The following FOXP1 variants were observed in gnomAD, a reference collection of about 807,000 sequenced individuals.
The protein encoded by FOXP1 is forkhead box protein P1.
FOXP1 carries 15 observed loss-of-function variants against 98.2 expected under a neutral mutation model. The observed-to-expected ratio is 0.15, with a 90% CI of 0.10 to 0.24. The LOEUF is 0.24. Among genes scored for constraint, FOXP1 ranks in the 10% least tolerant of loss-of-function variants. The pLI, the probability that FOXP1 is intolerant of heterozygous loss-of-function variation, is 1.00. For synonymous variants in FOXP1, 371 were observed against 314.5 expected, an observed-to-expected ratio of 1.18 and a Z score of -1.90; for missense variants, 633 against 848.5, an observed-to-expected ratio of 0.75 and a Z score of 3.15.
rs2080916859 is a variant in FOXP1 at position 71,390,072 on chromosome 3, C to T, written c.-167-30828G>A. On this transcript the variant is annotated intron_variant, in intron 3 of 20. Coordinates refer to ENST00000649528, the MANE Select transcript of FOXP1 (RefSeq NM_001349338.3). ...CAAACTGTGTGCATGGCGAAGGCATCGAAGGGCTCGGAGCAGCTGGAGAGG... is the reference window on the plus strand; with the variant it reads ...CAAACTGTGTGCATGGCGAAGGCATTGAAGGGCTCGGAGCAGCTGGAGAGG... Among the ~76,000 whole-genome samples, 3 of 152,136 alleles carry T rather than the reference C, an allele frequency of 2.0e-5. No homozygotes were observed. In the South Asian group the frequency reaches 6.2e-4, roughly 32 times the overall value.
At chr3:71,071,640 C>T (rs2107433953) in intron 7 of FOXP1, among the ~76,000 whole-genome samples, 1 of 152,294 alleles carries the variant, frequency 6.6e-6, no homozygotes, top group South Asian at 2.1e-4. Context: ...AATGGCGCAT[C>T]TTGGCTCACT....
chr3:71,332,569 A>C (rs1210090336), intron 4 of FOXP1: 2 of 152,488 alleles, frequency 1.3e-5, no homozygotes, highest in Non-Finnish European at 2.9e-5. Context: ...CTCTGTCTTG[A>C]CTAAAAATAT....
intron 19 of FOXP1, chr3:70,968,745 A>G (rs1249455309): frequency 6.6e-6 from 1 of 152,174 alleles, no homozygotes; most frequent in Non-Finnish European, 1.5e-5. Context: ...TTTTGAAGAT[A>G]TTGTTCCACT....
chr3:71,405,737 T>C lies in FOXP1; in HGVS notation c.-167-46493A>G, dbSNP rs191968813. Among the ~76,000 whole-genome samples the C allele has an allele frequency of 1.5e-4, 23 of 152,092 alleles. 1 individual carries two copies. Among genetic ancestry groups the C allele is most frequent in the Non-Finnish European group, 8.8e-5 (6 of 67,972 alleles). ...AACAGTATTTATTTATTTATTTATT[T>C]ATTTTTTTGAGATGGAGTTTCACTC... On this transcript the variant is annotated intron_variant, in intron 3 of 20. Transcript: ENST00000649528.
intron 6 of FOXP1, among the ~76,000 whole-genome samples, chr3:71,142,363 G>A (rs1433436620): frequency 1.3e-5 from 2 of 152,128 alleles, no homozygotes; most frequent in Non-Finnish European, 2.9e-5. Flanking sequence ...TATGTGAAGG[G>A]GTTTTGTGGA....
At chr3:71,328,699 G>A (rs949016607) in intron 4 of FOXP1, among the ~76,000 whole-genome samples, 1 of 152,092 alleles carries the variant, frequency 6.6e-6, no homozygotes. Flanking sequence ...TTGGCTGGGC[G>A]CAGTGGCTCA....
chr3:71,166,973 C>G (rs538477524), intron 6 of FOXP1, among the ~76,000 whole-genome samples: 5 of 152,150 alleles, frequency 3.3e-5, no homozygotes, highest in African/African-American at 1.2e-4. Context: ...AGGGTATTTA[C>G]TGATCCGGTT....
chr3:71,245,248 G>A (rs1025651938), intron 5 of FOXP1: 1 of 152,176 alleles, frequency 6.6e-6, no homozygotes, highest in East Asian at 1.9e-4. Context: ...AACCATATTA[G>A]GATGTGTATG....
intron 5 of FOXP1, among the ~76,000 whole-genome samples, chr3:71,285,231 T>C (rs185439874): frequency 2.0e-5 from 3 of 152,290 alleles, no homozygotes. Context: ...TCCTCTTATA[T>C]ACCCCAGCCC....
intron 7 of FOXP1, among the ~76,000 whole-genome samples, chr3:71,080,277 C>T (rs1230006878): frequency 1.3e-5 from 2 of 152,004 alleles, no homozygotes; most frequent in East Asian, 1.9e-4. Context: ...TTTATAGTGC[C>T]GGTGGAATAA....
intron 5 of FOXP1, among the ~76,000 whole-genome samples, chr3:71,247,099 T>TA (rs10713957): frequency 6.6e-6 from 1 of 151,832 alleles, no homozygotes; most frequent in African/African-American, 2.4e-5. Flanking sequence ...GCTAGCATCT[T>TA]AAAAAAAAAA....
intron 3 of FOXP1, among the ~76,000 whole-genome samples, chr3:71,371,428 C>A (rs2079306120): frequency 6.6e-6 from 1 of 152,128 alleles, no homozygotes; most frequent in Non-Finnish European, 1.5e-5. Context: ...TTCCCCAGTC[C>A]ACGTGGTTTG....
intron 3 of FOXP1, among the ~76,000 whole-genome samples, chr3:71,416,436 T>C (rs1033142931): frequency 2.6e-5 from 4 of 151,786 alleles, no homozygotes; most frequent in Non-Finnish European, 4.4e-5. Context: ...TCCCAGCTAT[T>C]TGGGGGGCTG....
intron 2 of FOXP1, chr3:71,542,158 CTG>C (rs2044890482): frequency 2.4e-6 from 1 of 417,364 alleles, no homozygotes; most frequent in South Asian, 1.8e-5. Context: ...ACATTTTCCT[CTG>C]TGAAAAAAAC....
chr3:71,048,085 C>A (rs997496513), intron 9 of FOXP1, among the ~76,000 whole-genome samples: 3 of 151,936 alleles, frequency 2.0e-5, no homozygotes, highest in Non-Finnish European at 4.4e-5. Context: ...GAGGTCTTAG[C>A]CACATTATGG....
rs114596823 is a variant in FOXP1 at position 71,487,003 on chromosome 3, C to T, written c.-168+6423G>A. 3.4e-3 allele frequency among the ~76,000 whole-genome samples: 524 copies of T among 152,218 alleles called. 1 individual carries two copies. Among genetic ancestry groups the T allele is most frequent in the African/African-American group, 0.012 (507 of 41,516 alleles). On this transcript the variant is annotated intron_variant, in intron 3 of 20. Coordinates refer to ENST00000649528, the MANE Select transcript of FOXP1 (RefSeq NM_001349338.3). The stretch of plus-strand genomic sequence containing the variant: ...CGGTCAGCACCCGGCATGTATGTGC[C>T]TCTCCCTATGAGAAAGCAACTGCAC...
chr3:71,308,749 A>ATG (rs71104439), intron 4 of FOXP1, among the ~76,000 whole-genome samples: 2,436 of 132,190 alleles, frequency 0.018, 66 homozygotes, highest in African/African-American at 0.058. Flanking sequence ...TTCTACCACA[A>ATG]TGTGTGTGTG....
intron 5 of FOXP1, among the ~76,000 whole-genome samples, chr3:71,219,214 T>G (rs1228770951): frequency 2.0e-5 from 3 of 152,192 alleles, no homozygotes; most frequent in Non-Finnish European, 4.4e-5. Context: ...TAACTCTGAA[T>G]GTGAACAAAT....
chr3:71,146,740 C>T (rs961238624), intron 6 of FOXP1, among the ~76,000 whole-genome samples: 1 of 152,180 alleles, frequency 6.6e-6, no homozygotes, highest in African/African-American at 2.4e-5. Flanking sequence ...GAGAGCATAA[C>T]TAACAATAGT....
Sources: allele counts gnomAD v4.1 joint callset (sites outside exome capture counted in the v4.1 genomes callset), GRCh38; gene constraint gnomAD v4.1.1; transcripts MANE v1.5; gene names NCBI Gene and HGNC (gene_info 2026-07-23, HGNC 2026-07-21).